The following SPAG16 variants were observed in gnomAD, a reference collection of about 807,000 sequenced individuals.
The protein encoded by SPAG16 is sperm-associated antigen 16 protein.
Under a neutral mutation model 80.4 loss-of-function variants are expected in SPAG16, and 86 were observed. The ratio of observed to expected loss-of-function variants is 1.07; its 90% CI spans 0.90 to 1.28. The LOEUF is 1.28. SPAG16 is among the 50% of genes most tolerant of loss of function. The pLI is 0.00. For synonymous variants in SPAG16, 294 were observed against 265.9 expected (o/e 1.11, Z -1.03); for missense variants, 870 against 765.3 (o/e 1.14, Z -1.61).
intron 15 of SPAG16, among the ~76,000 whole-genome samples, chr2:214,153,159 G>A (rs1176531855): frequency 4.6e-5 from 7 of 151,996 alleles, no homozygotes; most frequent in African/African-American, 1.2e-4. Flanking sequence ...TTTCGCTACC[G>A]CTAGACCACG....
chr2:213,297,391 T>C, intron 3 of SPAG16, 34 bp downstream of exon 3: 1 of 1,289,434 alleles, frequency 7.8e-7, no homozygotes, highest in Non-Finnish European at 1.1e-6. Flanking sequence ...GTCTATAGTT[T>C]AGTGGTAGTG....
intron 12 of SPAG16, among the ~76,000 whole-genome samples, chr2:213,941,524 G>T (rs779757868): frequency 2.6e-5 from 4 of 151,994 alleles, no homozygotes; most frequent in Non-Finnish European, 4.4e-5. Flanking sequence ...CCTACCGCTG[G>T]ATCTGCAGGT....
At chr2:214,108,347 G>A (rs1407075302) in intron 14 of SPAG16, 86 bp downstream of exon 14, 1 of 1,066,748 alleles carries the variant, frequency 9.4e-7, no homozygotes, top group Non-Finnish European at 1.4e-6. Context: ...AGCTAAAATG[G>A]TAAGTTAATG....
chr2:213,793,217 C>T (rs1292638515), intron 10 of SPAG16, among the ~76,000 whole-genome samples: 3 of 151,884 alleles, frequency 2.0e-5, no homozygotes, highest in South Asian at 2.1e-4. Context: ...TGTGAGCCAC[C>T]GCGCGGCCTT....
At chr2:213,994,859 AG>A (rs1281033674) in intron 12 of SPAG16, among the ~76,000 whole-genome samples, 2 of 152,176 alleles carry the variant, frequency 1.3e-5, no homozygotes, top group Admixed American at 1.3e-4. Flanking sequence ...GGTTATTGCA[AG>A]GTCTTGGATA....
rs555985770 is a variant in SPAG16 at position 213,306,689 on chromosome 2, G to A, written c.280-3370G>A. On this transcript the variant is annotated intron_variant, in intron 3 of 15. Coordinates refer to ENST00000331683, the MANE Select transcript of SPAG16 (RefSeq NM_024532.5). ...GTTGAAATGCTCCCTCTGGGTGATGGCTGAGTTCTGCCTGGTGTTGCTTTC... is the reference window on the plus strand; with the variant it reads ...GTTGAAATGCTCCCTCTGGGTGATGACTGAGTTCTGCCTGGTGTTGCTTTC... Among the ~76,000 whole-genome samples, 5 of 152,030 alleles carry A rather than the reference G, an allele frequency of 3.3e-5. No homozygotes were observed. The South Asian group carries it at 1.0e-3, about 32-fold the overall frequency.
chr2:214,229,881 A>G (rs924254702), intron 15 of SPAG16, among the ~76,000 whole-genome samples: 1 of 151,928 alleles, frequency 6.6e-6, no homozygotes, highest in African/African-American at 2.4e-5. Flanking sequence ...AAAATATATT[A>G]TTTTCATAAC....
At chr2:213,769,271 T>A (rs1353788800) in intron 10 of SPAG16, among the ~76,000 whole-genome samples, 1 of 152,180 alleles carries the variant, frequency 6.6e-6, no homozygotes, top group Non-Finnish European at 1.5e-5. Flanking sequence ...TCCTTTTATA[T>A]ATCAGTGAGT....
chr2:213,671,288 A>G (rs56188460), intron 10 of SPAG16, among the ~76,000 whole-genome samples: 2,068 of 152,314 alleles, frequency 0.014, 45 homozygotes, highest in African/African-American at 0.046. Flanking sequence ...GAGCTTGACT[A>G]TGGCAGCCAT....
At chr2:213,572,913 G>A (rs530726823) in intron 10 of SPAG16, among the ~76,000 whole-genome samples, 3 of 152,300 alleles carry the variant, frequency 2.0e-5, no homozygotes, top group Admixed American at 1.3e-4. Context: ...AGGACCCTCC[G>A]AGCCAGGTGT....
chr2:214,029,978 G>C (rs1440051510), intron 13 of SPAG16, among the ~76,000 whole-genome samples: 2 of 152,036 alleles, frequency 1.3e-5, no homozygotes, highest in African/African-American at 4.8e-5. Flanking sequence ...GTGTATTTTA[G>C]TGGTAAGAAC....
intron 14 of SPAG16, among the ~76,000 whole-genome samples, chr2:214,110,108 A>G (rs140017747): frequency 0.023 from 3,484 of 152,252 alleles, 96 homozygotes; most frequent in South Asian, 0.13. Flanking sequence ...GATAACAGAT[A>G]TGAGGTTTAG....
At chr2:213,916,982 G>A (rs1404420202) in intron 11 of SPAG16, among the ~76,000 whole-genome samples, 3 of 152,104 alleles carry the variant, frequency 2.0e-5, no homozygotes, top group Non-Finnish European at 4.4e-5. Flanking sequence ...GTGGTATAAG[G>A]GAGGGGTCCA....
At chr2:213,294,374 A>G (rs994603312) in intron 1 of SPAG16, among the ~76,000 whole-genome samples, 4 of 152,202 alleles carry the variant, frequency 2.6e-5, no homozygotes. Context: ...AAAGAGGCTG[A>G]TGGCAAGGAA....
chr2:213,748,775 G>C (rs1240733074), intron 10 of SPAG16, among the ~76,000 whole-genome samples: 2 of 151,998 alleles, frequency 1.3e-5, no homozygotes, highest in Middle Eastern at 6.4e-3. Context: ...ATTTCTTAGG[G>C]CTTAAGTAAA....
At chr2:213,832,232 G>C (rs767417952) in intron 10 of SPAG16, among the ~76,000 whole-genome samples, 1 of 151,850 alleles carries the variant, frequency 6.6e-6, no homozygotes, top group African/African-American at 2.4e-5. Flanking sequence ...TCCTGACCTC[G>C]TGATCCACCT....
intron 12 of SPAG16, among the ~76,000 whole-genome samples, chr2:213,966,751 G>T (rs1391007929): frequency 6.6e-6 from 1 of 152,042 alleles, no homozygotes; most frequent in African/African-American, 2.4e-5. Context: ...TTTACTAATT[G>T]CTTGGTGGCT....
intron 14 of SPAG16, among the ~76,000 whole-genome samples, chr2:214,112,188 A>G (rs535478767): frequency 1.5e-3 from 223 of 152,160 alleles, no homozygotes; most frequent in Non-Finnish European, 2.8e-3. Context: ...GTTTGTTGTG[A>G]TTTCTGTTCT....
chr2:214,042,435 A>ACAG (rs751226964), intron 13 of SPAG16, among the ~76,000 whole-genome samples: 1 of 27,820 alleles, frequency 3.6e-5, no homozygotes, highest in Non-Finnish European at 7.8e-5. Context: ...CAAAAACAAA[A>ACAG]CAACAACAAC....
Sources: gnomAD v4.1 joint callset for allele counts (sites outside exome capture counted in the v4.1 genomes callset) on GRCh38, gnomAD v4.1.1 for gene constraint, MANE v1.5 for transcripts, NCBI Gene and HGNC (gene_info 2026-07-23, HGNC 2026-07-21) for gene names.